The following H2AZ2 variants were observed in gnomAD, a reference collection of about 807,000 sequenced individuals.
The protein encoded by H2AZ2 is histone H2A.V.
H2AZ2 carries 5 observed loss-of-function variants against 15.5 expected under a neutral mutation model. The ratio of observed to expected loss-of-function variants is 0.32; its 90% confidence interval spans 0.17 to 0.68. The LOEUF is 0.68. H2AZ2 is among the 30% of genes least tolerant of loss of function. H2AZ2 has a pLI of 0.72. For synonymous variants in H2AZ2, 44 were observed against 57.4 expected, an observed-to-expected ratio of 0.77 and a Z score of 1.05; for missense variants, 42 against 162.5, an observed-to-expected ratio of 0.26 and a Z score of 4.03.
intron 1 of H2AZ2, among the ~76,000 whole-genome samples, chr7:44,846,062 C>CACACACACACACACACAG (rs57468916): frequency 5.9e-4 from 44 of 75,152 alleles, no homozygotes; most frequent in African/African-American, 1.8e-3. Context: ...CACACACACA[C>CACACACACACACACACAG]AGAGAGAGAC....
At chr7:44,844,345 C>G (rs1295065368) in intron 1 of H2AZ2, among the ~76,000 whole-genome samples, 1 of 152,026 alleles carries the variant, frequency 6.6e-6, no homozygotes, top group Non-Finnish European at 1.5e-5. Context: ...AAGCCAGTTA[C>G]AAAAAAGACA....
In H2AZ2 at chr7:44,833,176, G is replaced by C. The variant is rs1648982531; in HGVS notation, c.*1325C>G. 6.6e-6 allele frequency among the ~76,000 whole-genome samples: 1 copy of C among 151,932 alleles called. No individual in the cohort carries two copies. The highest frequency in any genetic ancestry group is 2.4e-5 in the African/African-American group (1 of 41,376). On this transcript the variant is annotated 3_prime_UTR_variant, in exon 5 of 5. Coordinates refer to ENST00000308153, the MANE Select transcript of H2AZ2 (RefSeq NM_012412.5). Reference sequence around the variant, plus strand: ...GATTTTTTGTGCCCCAGTGCCCCAAGTAGTTGGGACAACATGTGTGTACCA... The same window carrying C: ...GATTTTTTGTGCCCCAGTGCCCCAACTAGTTGGGACAACATGTGTGTACCA...
intron 2 of H2AZ2, 100 bp downstream of exon 2, chr7:44,843,177 T>TAAAAAA (rs1793317822): frequency 7.1e-6 from 1 of 140,278 alleles, no homozygotes; most frequent in Non-Finnish European, 1.3e-5. Flanking sequence ...AAAAAAAAAG[T>TAAAAAA]CTGTAGTAAT....
chr7:44,846,474 G>A (rs924562418), intron 1 of H2AZ2, among the ~76,000 whole-genome samples: 2 of 151,760 alleles, frequency 1.3e-5, no homozygotes, highest in Non-Finnish European at 2.9e-5. Flanking sequence ...AAAATTAGCA[G>A]GGCGTGGTGG....
At chr7:44,835,479 T>A (rs1224513036) in intron 4 of H2AZ2, 50 bp downstream of exon 4, 2 of 1,537,956 alleles carry the variant, frequency 1.3e-6, no homozygotes, top group Middle Eastern at 1.7e-4. Context: ...CTGAACGATA[T>A]ATTAGTCAGA....
At chr7:44,840,563 G>A (rs1261444913) in intron 3 of H2AZ2, among the ~76,000 whole-genome samples, 4 of 152,186 alleles carry the variant, frequency 2.6e-5, no homozygotes, top group Non-Finnish European at 5.9e-5. Flanking sequence ...CTGAGGTCAG[G>A]AGTTTGAGAC....
At chr7:44,830,063 C>G, downstream of H2AZ2, 1 of 1,409,984 alleles carries the variant, frequency 7.1e-7, no homozygotes, top group South Asian at 1.2e-5. Flanking sequence ...CTTGGTTCAG[C>G]TCAGCACACA....
chr7:44,837,793 T>C (rs1275139206), intron 3 of H2AZ2, among the ~76,000 whole-genome samples: 3 of 135,026 alleles, frequency 2.2e-5, no homozygotes, highest in African/African-American at 8.2e-5. Flanking sequence ...GTGTAAACTT[T>C]AAAAATTTTA....
Position 44,843,703 on chromosome 7 carries a change from C to T in H2AZ2, c.4-349G>A, listed in dbSNP as rs531837594. On this transcript the variant is annotated intron_variant, in intron 1 of 4. Coordinates refer to ENST00000308153, the MANE Select transcript of H2AZ2 (RefSeq NM_012412.5). ...CCTCCTGAGTAGCTGAGATTACAGGCGCACACCACCACACATGGCTAATTT... is the reference window on the plus strand; with the variant it reads ...CCTCCTGAGTAGCTGAGATTACAGGTGCACACCACCACACATGGCTAATTT... Among the ~76,000 whole-genome samples, 66 of 152,146 alleles carry T rather than the reference C, an allele frequency of 4.3e-4. No homozygotes were observed. In the South Asian group the frequency reaches 0.013, roughly 30 times the overall value.
At chr7:44,836,944 C>T (rs968695076) in intron 3 of H2AZ2, among the ~76,000 whole-genome samples, 10 of 151,368 alleles carry the variant, frequency 6.6e-5, no homozygotes, top group Non-Finnish European at 1.2e-4. Context: ...TGCAGTGAGC[C>T]GAGATGGCGC....
intron 3 of H2AZ2, among the ~76,000 whole-genome samples, chr7:44,839,812 G>A (rs942308615): frequency 6.6e-6 from 1 of 151,256 alleles, no homozygotes; most frequent in African/African-American, 2.4e-5. Flanking sequence ...AGACTGACCT[G>A]GCCAACATGG....
chr7:44,848,052 A>G lies in H2AZ2; in HGVS notation c.-81T>C. ...GCGCCGCCGCCGCCGCTCTCGCAGCACCGACCGCCGCCGCCGGAGCCGGAC... is the reference window on the plus strand; with the variant it reads ...GCGCCGCCGCCGCCGCTCTCGCAGCGCCGACCGCCGCCGCCGGAGCCGGAC... On this transcript the variant is annotated 5_prime_UTR_variant, in exon 1 of 5. Coordinates refer to ENST00000308153, the MANE Select transcript of H2AZ2 (RefSeq NM_012412.5). The G allele has an allele frequency of 1.1e-6, 1 of 917,184 alleles. No homozygotes were observed. Among genetic ancestry groups the G allele is most frequent in the Non-Finnish European group, 1.4e-6 (1 of 702,160 alleles). The allele number at this position is 917,184 out of a possible 1,614,324, so 56.8% of individuals were successfully genotyped here.
intron 3 of H2AZ2, among the ~76,000 whole-genome samples, chr7:44,837,433 G>GAAAAAAAAAAAAAAA (rs71011996): frequency 2.3e-5 from 2 of 87,270 alleles, no homozygotes; most frequent in African/African-American, 4.3e-5. Context: ...AAAAAAAAAA[G>GAAAAAAAAAAAAAAA]AAAAAAAAAA....
chr7:44,840,231 T>C (rs1203909235), intron 3 of H2AZ2, among the ~76,000 whole-genome samples: 1 of 151,984 alleles, frequency 6.6e-6, no homozygotes, highest in Non-Finnish European at 1.5e-5. Context: ...AAGAGATTGC[T>C]GGCCCTTGCT....
intron 3 of H2AZ2, among the ~76,000 whole-genome samples, chr7:44,840,029 ATAAATAAATAAATAAT>A (rs1442943680): frequency 0.016 from 2,389 of 150,874 alleles, 69 homozygotes; most frequent in African/African-American, 0.055. Flanking sequence ...AAATAAATAA[ATAAATAAATAAATAAT>A]TAGCCAGGTG....
At position 44,834,226 on chromosome 7, in the gene H2AZ2, A is replaced by C. The variant is rs1158371855; in HGVS notation, c.*275T>G. On this transcript the variant is annotated 3_prime_UTR_variant, in exon 5 of 5. Coordinates refer to ENST00000308153, the MANE Select transcript of H2AZ2 (RefSeq NM_012412.5). The stretch of plus-strand genomic sequence containing the variant: ...TCATGAACAGAACAGTTTTGAGACA[A>C]ATTAATTTTGTAAAAAATGGTTTAT... The C allele has an allele frequency of 6.7e-6, 8 of 1,201,032 alleles. No homozygotes were observed. The highest frequency in any genetic ancestry group is 7.3e-6 in the Non-Finnish European group (7 of 964,190). 74.4% of individuals were successfully genotyped at this position (1,201,032 alleles called of 1,614,324 possible).
intron 2 of H2AZ2, among the ~76,000 whole-genome samples, chr7:44,842,683 T>C (rs1793301763): frequency 6.6e-6 from 1 of 152,186 alleles, no homozygotes; most frequent in Non-Finnish European, 1.5e-5. Flanking sequence ...TAAATTCTAA[T>C]TGGGAATATA....
rs1793048938 is a variant in H2AZ2, at chr7:44,833,709, G to C, written c.*792C>G. ...TTTGATAAACTGAACATCAATTCCA[G>C]GTAAAACTAGGCTCTGGAGTCAGCC... On this transcript the variant is annotated 3_prime_UTR_variant, in exon 5 of 5. Coordinates refer to ENST00000308153, the MANE Select transcript of H2AZ2 (RefSeq NM_012412.5). The C allele has an allele frequency of 2.0e-6, 2 of 985,090 alleles. No individual in the cohort carries two copies. Among genetic ancestry groups the C allele is most frequent in the Non-Finnish European group, 2.4e-6 (2 of 829,594 alleles). The allele number at this position is 985,090 out of a possible 1,614,324, so 61.0% of individuals were successfully genotyped here. A position where few individuals can be genotyped will look rare whatever the true frequency, so the allele number is the denominator to read the frequency against.
chr7:44,837,331 G>T (rs1457005066), intron 3 of H2AZ2, among the ~76,000 whole-genome samples: 1 of 146,514 alleles, frequency 6.8e-6, no homozygotes, highest in African/African-American at 2.5e-5. Context: ...GCTGAGGCAG[G>T]AGAATCGGTT....
Sources: gnomAD v4.1 joint callset for allele counts (sites outside exome capture counted in the v4.1 genomes callset) on GRCh38, gnomAD v4.1.1 for gene constraint, MANE v1.5 for transcripts, NCBI Gene and HGNC (gene_info 2026-07-23, HGNC 2026-07-21) for gene names.